The following NFIB variants were observed in gnomAD, a reference collection of about 807,000 sequenced individuals.
NFIB encodes the protein nuclear factor 1 B-type.
A neutral mutation model predicts 61.5 loss-of-function variants in NFIB; 11 were observed. The observed-to-expected ratio is 0.18, with a 90% confidence interval of 0.11 to 0.30. The LOEUF is 0.30. Among genes scored for constraint, NFIB ranks in the 10% least tolerant of loss-of-function variants. The pLI is 1.00. For missense variants in NFIB, 471 were observed against 608.9 expected (o/e 0.77, Z 2.38); for synonymous variants, 260 against 216.5 (o/e 1.20, Z -1.76).
Position 14,088,164 on chromosome 9 carries a change from A to T in NFIB, c.*145T>A, listed in dbSNP as rs1477408884. Reference sequence around the variant, plus strand: ...TCCTTTTTTTTTATTTAAAAAAAAAATTTCTTAAACTATTGTTGTGTTTCT... The same window carrying T: ...TCCTTTTTTTTTATTTAAAAAAAAATTTTCTTAAACTATTGTTGTGTTTCT... On this transcript the variant is annotated 3_prime_UTR_variant, in exon 11 of 11. Coordinates refer to ENST00000380953, the MANE Select transcript of NFIB (RefSeq NM_001190737.2). 8 of 1,405,380 alleles carry T rather than the reference A, an allele frequency of 5.7e-6. No homozygotes were observed. Among genetic ancestry groups the T allele is most frequent in the South Asian group, 3.3e-5 (2 of 61,220 alleles). 87.1% of individuals were successfully genotyped at this position (1,405,380 alleles called of 1,614,324 possible). A position where few individuals can be genotyped will look rare whatever the true frequency, so the allele number is the denominator to read the frequency against.
chr9:14,313,946 G>A lies in NFIB; in HGVS notation c.-435C>T, dbSNP rs1335992833. 3 of 1,065,502 alleles carry A rather than the reference G, an allele frequency of 2.8e-6. No homozygotes were observed. Among genetic ancestry groups the A allele is most frequent in the African/African-American group, 1.7e-5 (1 of 59,884 alleles). The allele number at this position is 1,065,502 out of a possible 1,614,324, so 66.0% of individuals were successfully genotyped here. A position where few individuals can be genotyped will look rare whatever the true frequency, so the allele number is the denominator to read the frequency against. ...GGTAAAATGCTTTTTCAAAAAAGGC[G>A]GGGAGGGGGGCGCGGGAGGGCGCAG... On this transcript the variant is annotated 5_prime_UTR_variant, in exon 1 of 11. Coordinates refer to ENST00000380953, the MANE Select transcript of NFIB (RefSeq NM_001190737.2). The surrounding 1 kb of genome is among the most constrained non-coding windows in gnomAD (Gnocchi z 4.5).
At chr9:14,102,535 G>A in intron 10 of NFIB, 1 of 1,542,088 alleles carries the variant, frequency 6.5e-7, no homozygotes, top group Non-Finnish European at 8.8e-7. Flanking sequence ...CTAGCAGTCA[G>A]ATATGGATCG....
upstream of NFIB, among the ~76,000 whole-genome samples, chr9:14,403,582 A>G (rs1471566135): frequency 1.3e-5 from 2 of 151,504 alleles, no homozygotes; most frequent in African/African-American, 2.4e-5. Flanking sequence ...CATTGAACAT[A>G]TAACTTTTTA....
intron 1 of NFIB, among the ~76,000 whole-genome samples, chr9:14,396,679 G>A (rs1442735260): frequency 6.6e-6 from 1 of 152,176 alleles, no homozygotes; most frequent in East Asian, 1.9e-4. Flanking sequence ...TCAAAAAGTG[G>A]AGACGAAAGG....
chr9:14,116,419 C>A, intron 8 of NFIB, 73 bp from the exon 9 acceptor site: 2 of 1,374,778 alleles, frequency 1.5e-6, no homozygotes, highest in Non-Finnish European at 1.9e-6. Context: ...GTCCACTCAG[C>A]ACACACGACT....
At chr9:14,477,852 A>G in the NFIB span, among the ~76,000 whole-genome samples, 1 of 152,176 alleles carries the variant, frequency 6.6e-6, no homozygotes, top group African/African-American at 2.4e-5. Flanking sequence ...TAATCTAGCC[A>G]CATTGCAAGC....
At chr9:14,321,867 G>C in intron 1 of NFIB, 1 of 1,230,120 alleles carries the variant, frequency 8.1e-7, no homozygotes, top group Middle Eastern at 3.1e-4. Context: ...AAGAAAAACT[G>C]TGCCAGGGAT....
chr9:14,277,962 T>C (rs1265362814), intron 2 of NFIB, among the ~76,000 whole-genome samples: 4 of 152,204 alleles, frequency 2.6e-5, no homozygotes, highest in East Asian at 1.9e-4. Flanking sequence ...CTCACAAAGA[T>C]GTTTCTGTCT....
the NFIB span, among the ~76,000 whole-genome samples, chr9:14,498,385 T>A: frequency 5.3e-5 from 8 of 152,224 alleles, no homozygotes; most frequent in African/African-American, 1.9e-4. Context: ...CAAATAGCTC[T>A]GGAGTGATTC....
At chr9:14,528,639 A>G in the NFIB span, among the ~76,000 whole-genome samples, 4 of 152,144 alleles carry the variant, frequency 2.6e-5, no homozygotes, top group African/African-American at 9.6e-5. Context: ...TTCTGATGGG[A>G]TCAAATGATT....
At chr9:14,259,185 C>A (rs919474293) in intron 2 of NFIB, among the ~76,000 whole-genome samples, 1 of 152,044 alleles carries the variant, frequency 6.6e-6, no homozygotes. Context: ...GATAACATTT[C>A]TTTGTTTTAA....
chr9:14,308,490 A>C (rs1166572529), intron 1 of NFIB, among the ~76,000 whole-genome samples: 1 of 152,224 alleles, frequency 6.6e-6, no homozygotes, highest in Non-Finnish European at 1.5e-5. Context: ...TTCACCGATC[A>C]CATGAGTATA....
At chr9:14,362,899 A>G (rs1484699514) in intron 1 of NFIB, 1 of 152,074 alleles carries the variant, frequency 6.6e-6, no homozygotes, top group African/African-American at 2.4e-5. Context: ...CTGTTTCCAA[A>G]ACACAAAAAC....
intron 2 of NFIB, among the ~76,000 whole-genome samples, chr9:14,193,910 C>T (rs543881783): frequency 1.1e-4 from 17 of 152,274 alleles, no homozygotes; most frequent in African/African-American, 3.8e-4. Flanking sequence ...GCACACTTAG[C>T]TGCCAGCATT....
chr9:14,447,894 T>C, the NFIB span, among the ~76,000 whole-genome samples: 23 of 152,274 alleles, frequency 1.5e-4, no homozygotes, highest in African/African-American at 5.5e-4. Flanking sequence ...AAGATGATGC[T>C]TTTTCACATA....
At chr9:14,513,479 T>C in the NFIB span, among the ~76,000 whole-genome samples, 23 of 151,718 alleles carry the variant, frequency 1.5e-4, no homozygotes, top group African/African-American at 5.6e-4. Flanking sequence ...AATACAAAAA[T>C]TAGCCGGGTG....
At chr9:14,275,042 G>C (rs1196667098) in intron 2 of NFIB, among the ~76,000 whole-genome samples, 1 of 152,172 alleles carries the variant, frequency 6.6e-6, no homozygotes, top group African/African-American at 2.4e-5. Context: ...AGACCATGAA[G>C]CTGATAAGAT....
chr9:14,120,511 G>C lies in NFIB; in HGVS notation c.1174C>G (p.His392Asp). ...TTCAGAGTATCCTGAGGATTCAGGT[G>C]GGGAGGATATCTGATTGTTGGATGA... ...FSHPTIRYPP[H>D]LNPQDTLKNY... is the part of the protein sequence containing the mutation. The change falls in exon 8 of 11, where the codon CAC becomes GAC. Residue 392 changes from histidine to aspartate, a missense_variant. Transcript: ENST00000380953. This position sits in a 1 kb window ranked among gnomAD's most constrained non-coding sequence, Gnocchi z 4.4. The C allele has an allele frequency of 6.2e-7, 1 of 1,614,146 alleles. No individual in the cohort carries two copies. Among genetic ancestry groups the C allele is most frequent in the Non-Finnish European group, 8.5e-7 (1 of 1,180,012 alleles).
chr9:14,323,840 T>C (rs1362325709), intron 1 of NFIB, among the ~76,000 whole-genome samples: 1 of 152,242 alleles, frequency 6.6e-6, no homozygotes, highest in Admixed American at 6.5e-5. Context: ...TTTTTTCCCC[T>C]TGTATACACA....
Sources: gnomAD v4.1 joint callset for allele counts (sites outside exome capture counted in the v4.1 genomes callset) on GRCh38, gnomAD v4.1.1 for gene constraint, Gnocchi (gnomAD v3.1) non-coding constraint, MANE v1.5 for transcripts, NCBI Gene and HGNC (gene_info 2026-07-23, HGNC 2026-07-21) for gene names.